The following EIF2D variants were observed in gnomAD, a reference collection of about 807,000 sequenced individuals.
The protein encoded by EIF2D is eukaryotic translation initiation factor 2D.
In EIF2D, 56 loss-of-function variants were observed where a neutral mutation model predicts 77.4. The ratio of observed to expected loss-of-function variants is 0.72; its 90% CI spans 0.58 to 0.90. The LOEUF (loss-of-function observed/expected upper bound fraction) is 0.90, where lower values mean the gene tolerates loss of function less well. Among genes scored for constraint, EIF2D ranks in the 40% least tolerant of loss-of-function variants. The probability of loss-of-function intolerance (pLI) is 0.00; values close to 1 mark genes in which losing one functional copy is unlikely to be tolerated. For missense variants in EIF2D, 574 were observed against 706.5 expected, an observed-to-expected ratio of 0.81 and a Z score of 2.13; for synonymous variants, 230 against 271.0, an observed-to-expected ratio of 0.85 and a Z score of 1.49.
At chr1:206,586,811 C>T (rs1669135052), downstream of EIF2D, 3 of 1,607,220 alleles carry the variant, frequency 1.9e-6, no homozygotes, top group Non-Finnish European at 2.6e-6. Context: ...CACAAATCTC[C>T]CTCTCGCCTC....
chr1:206,572,390 C>A (rs1668481366), intron 5 of EIF2D, among the ~76,000 whole-genome samples: 1 of 152,156 alleles, frequency 6.6e-6, no homozygotes, highest in South Asian at 2.1e-4. Flanking sequence ...AGAAAAACCT[C>A]CAGAATTGAG....
At chr1:206,598,857 C>A in intron 11 of EIF2D, 146 bp downstream of exon 11, 1 of 727,154 alleles carries the variant, frequency 1.4e-6, no homozygotes, top group Non-Finnish European at 2.2e-6. Flanking sequence ...GTGTCCACAG[C>A]CCATGGTTTG....
chr1:206,583,171 C>T, intron 2 of EIF2D: 1 of 784,374 alleles, frequency 1.3e-6, no homozygotes. Flanking sequence ...GCTGGATGCT[C>T]ACTTCTTGGT....
chr1:206,593,771 T>C lies in EIF2D; in HGVS notation c.1532A>G (p.Glu511Gly). The change falls in exon 14 of 15, where the codon GAG (glutamate) becomes GGG (glycine). Residue 511 changes from glutamate to glycine, a missense_variant. Transcript: ENST00000271764. ...NKKVTVVRNL[E>G]AYGLDPYSVA... ...TGAGTATGGGTCCAGACCATAGGCC[T>C]CCAAGTTCCGGACCACGGTCACCTG... 6.2e-7 allele frequency: 1 copy of C among 1,601,872 alleles called. No individual in the cohort carries two copies. Among genetic ancestry groups the C allele is most frequent in the Non-Finnish European group, 8.5e-7 (1 of 1,171,210 alleles).
chr1:206,592,987 A>G lies in EIF2D; in HGVS notation c.1684+632T>C, dbSNP rs1406596165. Among the ~76,000 whole-genome samples the G allele has an allele frequency of 2.6e-5, 4 of 152,112 alleles. No individual in the cohort carries two copies. The highest frequency in any genetic ancestry group is 5.9e-5 in the Non-Finnish European group (4 of 68,006). ...CGTGGTGGCATGCGCCTATAATCCC[A>G]GCTACTCGGGAGGCTGAGGCAGGGG... On this transcript the variant is annotated intron_variant, in intron 14 of 14. Coordinates refer to ENST00000271764, the MANE Select transcript of EIF2D (RefSeq NM_006893.3). The surrounding 1 kb of genome is among the most constrained non-coding windows in gnomAD (Gnocchi z 4.7).
intron 2 of EIF2D, chr1:206,583,773 G>A (rs7515123): frequency 0.025 from 5,098 of 206,562 alleles, 279 homozygotes; most frequent in African/African-American, 0.11. Flanking sequence ...TACTCTCTCA[G>A]AGAGGGGAGG....
chr1:206,583,527 G>A (rs1668980176), intron 2 of EIF2D: 2 of 628,714 alleles, frequency 3.2e-6, no homozygotes, highest in African/African-American at 3.7e-5. Context: ...GGTCTGGAAG[G>A]CTGATAGCCA....
At chr1:206,611,159 G>A (rs1190761048) in intron 2 of EIF2D, 25 bp downstream of exon 2, 2 of 1,590,850 alleles carry the variant, frequency 1.3e-6, no homozygotes, top group Non-Finnish European at 1.7e-6. Flanking sequence ...TAATGGTAAT[G>A]GCCATCTTCG....
chr1:206,583,069 T>C, intron 2 of EIF2D: 1 of 519,864 alleles, frequency 1.9e-6, no homozygotes, highest in South Asian at 2.0e-5. Flanking sequence ...CTGAGTTACT[T>C]CTCCAGGAGG....
chr1:206,588,393 C>G (rs1558527199), downstream of EIF2D: 2 of 152,310 alleles, frequency 1.3e-5, no homozygotes, highest in East Asian at 3.8e-4. Flanking sequence ...TAGGCTGAAT[C>G]CTAAAATAAA....
At position 206,611,217 on chromosome 1, in the gene EIF2D, G is replaced by C; in HGVS notation, c.214C>G (p.Leu72Val). Reference sequence around the variant, plus strand: ...TACAGATTTTTCTCCAGTTCAAAGAGGATGGGGTTACCACCACTCACGTAC... The same window carrying C: ...TACAGATTTTTCTCCAGTTCAAAGACGATGGGGTTACCACCACTCACGTAC... ...TVYVSGGNPI[L>V]FELEKNLYPT... The change falls in exon 2 of 15, where the codon CTC (leucine) becomes GTC (valine). Residue 72 changes from leucine to valine, a missense_variant. Physicochemically the swap from Leu to Val is conservative, Grantham distance 32. Transcript: ENST00000271764. The C allele has an allele frequency of 2.5e-6, 4 of 1,614,054 alleles. No homozygotes were observed. Among genetic ancestry groups the C allele is most frequent in the Non-Finnish European group, 3.4e-6 (4 of 1,179,954 alleles).
intron 5 of EIF2D, 42 bp from the exon 6 acceptor site, chr1:206,603,246 A>G (rs558516976): frequency 1.2e-6 from 2 of 1,601,212 alleles, no homozygotes; most frequent in African/African-American, 2.7e-5. Flanking sequence ...AGCAGCTCCA[A>G]TACTCTCCAG....
chr1:206,583,136 C>G, intron 2 of EIF2D: 1 of 638,666 alleles, frequency 1.6e-6, no homozygotes, highest in Admixed American at 2.3e-5. Context: ...ACTCCGAGTC[C>G]GTGCAGTTAG....
chr1:206,588,677 T>C (rs1344912426), downstream of EIF2D: 2 of 152,496 alleles, frequency 1.3e-5, no homozygotes, highest in African/African-American at 2.4e-5. Flanking sequence ...GAACTGTGCA[T>C]AGTCTCCAGA....
chr1:206,583,130 C>T (rs73080973), intron 2 of EIF2D: 7,945 of 620,800 alleles, frequency 0.013, 389 homozygotes, highest in African/African-American at 0.11. Flanking sequence ...TGTCTCACTC[C>T]GAGTCCGTGC....
At chr1:206,583,626 C>T (rs1553406858) in intron 2 of EIF2D, 7 of 477,514 alleles carry the variant, frequency 1.5e-5, no homozygotes, top group Non-Finnish European at 2.7e-5. Flanking sequence ...TTAACTCCTC[C>T]TCTGAGCTTC....
At chr1:206,575,264 AGGG>A (rs1459334373) in intron 4 of EIF2D, among the ~76,000 whole-genome samples, 1 of 152,116 alleles carries the variant, frequency 6.6e-6, no homozygotes, top group Non-Finnish European at 1.5e-5. Flanking sequence ...CTCCTGTAGG[AGGG>A]GCCTGAGGCT....
intron 5 of EIF2D, among the ~76,000 whole-genome samples, chr1:206,604,008 C>T (rs112286248): frequency 1.3e-5 from 2 of 152,272 alleles, no homozygotes; most frequent in African/African-American, 4.8e-5. Flanking sequence ...ACTTAGACAA[C>T]CTGACCTTGA....
chr1:206,594,216 A>G (rs1669527140), intron 13 of EIF2D: 2 of 152,846 alleles, frequency 1.3e-5, no homozygotes, highest in Non-Finnish European at 2.9e-5. Flanking sequence ...AAACCTCCCC[A>G]GACATCAGAT....
Sources: gnomAD v4.1 joint callset for allele counts (sites outside exome capture counted in the v4.1 genomes callset) on GRCh38, gnomAD v4.1.1 for gene constraint, Gnocchi (gnomAD v3.1) non-coding constraint, MANE v1.5 for transcripts, NCBI Gene and HGNC (gene_info 2026-07-23, HGNC 2026-07-21) for gene names.